The following GLI3 variants were observed in gnomAD, a reference collection of about 807,000 sequenced individuals.
GLI3 encodes the protein GLI family zinc finger 3.
Under a neutral mutation model 100.8 loss-of-function variants are expected in GLI3, and 20 were observed. That is an observed-to-expected ratio of 0.20 (90% confidence interval 0.14 to 0.29). GLI3 has a LOEUF of 0.29. GLI3 is among the 10% of genes least tolerant of loss of function. The pLI is 1.00. For missense variants in GLI3, 2,040 were observed against 2,128.5 expected (o/e 0.96, Z 0.82); for synonymous variants, 938 against 860.5 (o/e 1.09, Z -1.58).
chr7:41,972,895 T>C lies in GLI3; in HGVS notation c.1813-268A>G, dbSNP rs1397452936. Among the ~76,000 whole-genome samples the C allele has an allele frequency of 1.3e-5, 2 of 152,148 alleles. No homozygotes were observed. Among genetic ancestry groups the C allele is most frequent in the East Asian group, 1.9e-4 (1 of 5,182 alleles). On this transcript the variant is annotated intron_variant, in intron 12 of 14. Coordinates refer to ENST00000395925, the MANE Select transcript of GLI3 (RefSeq NM_000168.6). This position sits in a 1 kb window ranked among gnomAD's most constrained non-coding sequence, Gnocchi z 4.4. Reference sequence around the variant, plus strand: ...GAATGTGTAAATTGCCTTGATGTTCTTGGAAGCATTTACACTGTGAGTGAG... The same window carrying C: ...GAATGTGTAAATTGCCTTGATGTTCCTGGAAGCATTTACACTGTGAGTGAG...
intron 10 of GLI3, among the ~76,000 whole-genome samples, chr7:41,979,639 G>A (rs1308938734): frequency 6.6e-6 from 1 of 152,138 alleles, no homozygotes; most frequent in Non-Finnish European, 1.5e-5. Flanking sequence ...TCAACAGGTT[G>A]AGCATACTAT....
At chr7:42,035,936 T>A (rs1789426142) in intron 7 of GLI3, among the ~76,000 whole-genome samples, 1 of 152,220 alleles carries the variant, frequency 6.6e-6, no homozygotes, top group Non-Finnish European at 1.5e-5. Context: ...TTTTATAACA[T>A]ACTTTCCAAT....
intron 2 of GLI3, among the ~76,000 whole-genome samples, chr7:42,205,356 T>C (rs1423027508): frequency 6.6e-6 from 1 of 152,162 alleles, no homozygotes; most frequent in Non-Finnish European, 1.5e-5. Flanking sequence ...GGGTAAGAGC[T>C]CCAATATTCC....
chr7:42,199,129 T>A (rs3801219), intron 2 of GLI3, among the ~76,000 whole-genome samples: 3 of 152,136 alleles, frequency 2.0e-5, no homozygotes, highest in Non-Finnish European at 2.9e-5. Context: ...CAGTTAGACA[T>A]GCAAGAAGCA....
At position 41,967,737 on chromosome 7, in the gene GLI3, G is replaced by T. The variant is rs144545100; in HGVS notation, c.2290C>A (p.Gln764Lys). ...ISTATTALALQARRNPAGTKW... is the reference protein window; with the variant it reads ...ISTATTALALKARRNPAGTKW... ...GTCCCTGCCGGGTTTCTCCTGGCTT[G>T]CAAAGCAAGGGCTGTGGTTGCAGTG... The change falls in exon 14 of 15, where the codon CAA becomes AAA. Residue 764 changes from glutamine (Q) to lysine (K), a missense_variant. By Grantham distance (53) the Gln-to-Lys change is moderately conservative. This residue lies in a region of GLI3 where 327 missense variants were observed against 338.7 expected (regional missense o/e 0.97). Coordinates refer to ENST00000395925, the MANE Select transcript of GLI3 (RefSeq NM_000168.6). 1.9e-6 allele frequency: 3 copies of T among 1,614,064 alleles called. No individual in the cohort carries two copies. In the African/African-American group the frequency reaches 4.0e-5, roughly 22 times the overall value.
At chr7:42,074,981 C>A (rs752504113) in intron 4 of GLI3, among the ~76,000 whole-genome samples, 10 of 152,102 alleles carry the variant, frequency 6.6e-5, no homozygotes, top group African/African-American at 2.4e-4. Context: ...GTGACTCCCC[C>A]GACTCTGCCT....
At chr7:42,075,064 A>G (rs1469799620) in intron 4 of GLI3, among the ~76,000 whole-genome samples, 1 of 152,142 alleles carries the variant, frequency 6.6e-6, no homozygotes, top group Non-Finnish European at 1.5e-5. Flanking sequence ...GTCAGTAATG[A>G]GGGCCTAGAA....
intron 3 of GLI3, among the ~76,000 whole-genome samples, chr7:42,081,879 ACTG>A (rs1785004065): frequency 6.6e-6 from 1 of 152,096 alleles, no homozygotes; most frequent in South Asian, 2.1e-4. Flanking sequence ...GCAAGAGTAA[ACTG>A]CTAAGTGCAG....
chr7:42,222,073 A>G (rs1788496803), intron 2 of GLI3, among the ~76,000 whole-genome samples: 1 of 152,202 alleles, frequency 6.6e-6, no homozygotes, highest in Non-Finnish European at 1.5e-5. Context: ...CTCAGCAGAC[A>G]TGGAGGGACC....
At chr7:41,998,760 C>T (rs867704742) in intron 10 of GLI3, among the ~76,000 whole-genome samples, 8 of 152,164 alleles carry the variant, frequency 5.3e-5, no homozygotes, top group Non-Finnish European at 7.3e-5. Context: ...CCAAATTATT[C>T]GTCAACTTTG....
intron 3 of GLI3, among the ~76,000 whole-genome samples, chr7:42,122,720 T>C (rs1786031867): frequency 6.6e-6 from 1 of 152,134 alleles, no homozygotes; most frequent in African/African-American, 2.4e-5. Flanking sequence ...CATGTGCAAG[T>C]CAAGTATATT....
chr7:41,999,507 A>C (rs1289726429), intron 10 of GLI3, among the ~76,000 whole-genome samples: 1 of 152,168 alleles, frequency 6.6e-6, no homozygotes, highest in Non-Finnish European at 1.5e-5. Context: ...AAAGTCATCC[A>C]GGGTGGTTAT....
intron 10 of GLI3, among the ~76,000 whole-genome samples, chr7:41,992,332 A>G (rs1235229410): frequency 1.3e-5 from 2 of 152,186 alleles, no homozygotes; most frequent in East Asian, 1.9e-4. Flanking sequence ...AGACAATAAC[A>G]GTATTGGAGG....
intron 2 of GLI3, among the ~76,000 whole-genome samples, chr7:42,164,854 A>G (rs1428930558): frequency 6.6e-6 from 1 of 151,458 alleles, no homozygotes; most frequent in Non-Finnish European, 1.5e-5. Flanking sequence ...ATAAATAAAA[A>G]TTAAAAAAAT....
At chr7:42,210,757 G>A (rs2128697127) in intron 2 of GLI3, among the ~76,000 whole-genome samples, 1 of 152,002 alleles carries the variant, frequency 6.6e-6, no homozygotes, top group African/African-American at 2.4e-5. Context: ...ATCTGTTGTT[G>A]TTGAAGAGAA....
At chr7:42,097,203 G>C (rs761347675) in intron 3 of GLI3, among the ~76,000 whole-genome samples, 8 of 152,182 alleles carry the variant, frequency 5.3e-5, no homozygotes, top group Non-Finnish European at 1.2e-4. Flanking sequence ...TATTGCTTTC[G>C]TTCAACAGCT....
chr7:42,098,737 T>C (rs982560358), intron 3 of GLI3, among the ~76,000 whole-genome samples: 1 of 152,130 alleles, frequency 6.6e-6, no homozygotes, highest in Admixed American at 6.6e-5. Context: ...CAATTACAAA[T>C]GTCCCTTATT....
intron 11 of GLI3, 176 bp from the exon 12 acceptor site, chr7:41,977,898 T>C (rs2128712437): frequency 1.5e-6 from 1 of 652,348 alleles, no homozygotes; most frequent in South Asian, 1.8e-5. Context: ...TAGCTTGGTG[T>C]AGTTCCAGAT....
At chr7:42,071,577 A>G (rs1784785254) in intron 4 of GLI3, among the ~76,000 whole-genome samples, 1 of 152,184 alleles carries the variant, frequency 6.6e-6, no homozygotes, top group South Asian at 2.1e-4. Flanking sequence ...CTCAGTAAAG[A>G]TAATACCAGG....
Sources: gnomAD v4.1 joint callset for allele counts (sites outside exome capture counted in the v4.1 genomes callset) on GRCh38, gnomAD v4.1.1 for gene constraint, gnomAD v4.1.1 regional missense constraint, Gnocchi (gnomAD v3.1) non-coding constraint, MANE v1.5 for transcripts, NCBI Gene and HGNC (gene_info 2026-07-23, HGNC 2026-07-21) for gene names.